Variants in PRKCA observed in about 807,000 individuals in gnomAD.
PRKCA encodes the protein protein kinase C alpha type.
PRKCA carries 27 observed loss-of-function variants against 87.0 expected under a neutral mutation model. The ratio of observed to expected loss-of-function variants is 0.31; its 90% CI spans 0.23 to 0.43. The LOEUF (loss-of-function observed/expected upper bound fraction) is 0.43. PRKCA is among the 20% of genes least tolerant of loss of function. The pLI is 1.00. For missense variants in PRKCA, 518 were observed against 852.3 expected (o/e 0.61, Z 4.88); for synonymous variants, 329 against 311.1 (o/e 1.06, Z -0.61).
Position 66,603,932 on chromosome 17 carries a change from CAT to C in PRKCA, c.289-37422_289-37421del, listed in dbSNP as rs368393161. Among the ~76,000 whole-genome samples the C allele has an allele frequency of 2.5e-3, 374 of 152,298 alleles. 1 individual carries two copies. The highest frequency in any genetic ancestry group is 8.7e-3 in the African/African-American group (360 of 41,554). The stretch of plus-strand genomic sequence containing the variant: ...TCCTCAGGGTTCATTCATGTAGTCA[CAT>C]GTGTCAGAATTTTATTCAGTTTTAA... On this transcript the variant is annotated intron_variant, in intron 3 of 16. Coordinates refer to ENST00000413366, the MANE Select transcript of PRKCA (RefSeq NM_002737.3).
At chr17:66,688,570 A>G in intron 7 of PRKCA, 134 bp downstream of exon 7, 1 of 1,170,808 alleles carries the variant, frequency 8.5e-7, no homozygotes, top group South Asian at 1.6e-5. Context: ...CAAGAGGCCG[A>G]GGCAGGTGGA....
chr17:66,394,524 C>T (rs1011435108), intron 2 of PRKCA, among the ~76,000 whole-genome samples: 1 of 152,158 alleles, frequency 6.6e-6, no homozygotes, highest in African/African-American at 2.4e-5. Flanking sequence ...GTTCTAGGTG[C>T]TGAGTATTTG....
At chr17:66,475,053 G>C (rs1181822205) in intron 2 of PRKCA, among the ~76,000 whole-genome samples, 1 of 152,050 alleles carries the variant, frequency 6.6e-6, no homozygotes. Context: ...AATCCTTCTG[G>C]CAAATATCAG....
intron 3 of PRKCA, among the ~76,000 whole-genome samples, chr17:66,575,479 C>T (rs934754207): frequency 2.0e-5 from 3 of 152,170 alleles, no homozygotes; most frequent in Non-Finnish European, 2.9e-5. Context: ...ACTCGGGAGG[C>T]TGAGGCAGGA....
In PRKCA at chr17:66,788,904, G is replaced by A. The variant is rs2228945; in HGVS notation, c.1779G>A (p.Glu593=). ...CTGAGGGGGAGAGGGACGTGAGAGA[G>A]CATGCCTTCTTCCGGAGGATCGACT... ...CGPEGERDVR[E]HAFFRRIDWE... Residue 593 remains glutamate, a synonymous_variant, in exon 16 of 17, where the codon GAG becomes GAA. Coordinates refer to ENST00000413366, the MANE Select transcript of PRKCA (RefSeq NM_002737.3). 148,925 of 1,613,842 alleles carry A rather than the reference G, an allele frequency of 0.092. 9,389 individuals carry two copies. The highest frequency in any genetic ancestry group is 0.31 in the African/African-American group (23,570 of 74,938).
At chr17:66,786,780 C>A in intron 14 of PRKCA, 87 bp from the exon 15 acceptor site, 2 of 1,039,164 alleles carry the variant, frequency 1.9e-6, no homozygotes, top group South Asian at 1.5e-5. Flanking sequence ...CTGGTCTGTT[C>A]CTTGGTGCTG....
intron 3 of PRKCA, among the ~76,000 whole-genome samples, chr17:66,620,627 T>C (rs533594170): frequency 6.6e-6 from 1 of 152,324 alleles, no homozygotes; most frequent in South Asian, 2.1e-4. Context: ...GGCCTAGCAG[T>C]GTCTGCTACT....
Position 66,358,551 on chromosome 17 carries a change from T to C in PRKCA, c.205+52424T>C, listed in dbSNP as rs192539830. On this transcript the variant is annotated intron_variant, in intron 2 of 16. Coordinates refer to ENST00000413366, the MANE Select transcript of PRKCA (RefSeq NM_002737.3). The stretch of plus-strand genomic sequence containing the variant: ...ATTCAAGCCTAAGGCTAACATGATA[T>C]TGAGAAGAAGAAACGTAACTACCTT... Among the ~76,000 whole-genome samples the C allele has an allele frequency of 6.0e-5, 9 of 150,390 alleles. No individual in the cohort carries two copies. In the East Asian group the frequency reaches 1.5e-3, roughly 26 times the overall value.
chr17:66,563,599 C>A (rs1968782352), intron 3 of PRKCA, among the ~76,000 whole-genome samples: 1 of 152,164 alleles, frequency 6.6e-6, no homozygotes, highest in South Asian at 2.1e-4. Flanking sequence ...CTTCCAAGTC[C>A]TGTGCTCTTT....
At chr17:66,783,923 C>T (rs996818870) in intron 14 of PRKCA, among the ~76,000 whole-genome samples, 4 of 152,232 alleles carry the variant, frequency 2.6e-5, no homozygotes, top group African/African-American at 9.6e-5. Flanking sequence ...CGGGGGCATG[C>T]AGCCTACACG....
At chr17:66,625,819 T>A (rs1044035883) in intron 3 of PRKCA, among the ~76,000 whole-genome samples, 3 of 152,220 alleles carry the variant, frequency 2.0e-5, no homozygotes, top group Non-Finnish European at 1.5e-5. Context: ...GGTCCCGATT[T>A]TACCACTTAA....
intron 3 of PRKCA, among the ~76,000 whole-genome samples, chr17:66,536,721 G>A (rs886577349): frequency 7.2e-5 from 11 of 152,198 alleles, no homozygotes; most frequent in African/African-American, 2.4e-4. Context: ...GAGAGCTAAC[G>A]AGACAGGCTC....
chr17:66,650,913 C>G (rs17687546), intron 5 of PRKCA, among the ~76,000 whole-genome samples: 39,827 of 152,104 alleles, frequency 0.26, 5,253 homozygotes, highest in African/African-American at 0.28. Context: ...GTGTCCTGCT[C>G]TCTTCCTGGC....
Position 66,803,904 on chromosome 17 carries a change from T to C in PRKCA, c.1886T>C (p.Phe629Ser), listed in dbSNP as rs755762168. 100 of 1,613,842 alleles carry C rather than the reference T, an allele frequency of 6.2e-5. No homozygotes were observed. Among genetic ancestry groups the C allele is most frequent in the Non-Finnish European group, 7.4e-5 (87 of 1,179,906 alleles). Reference sequence around the variant, plus strand: ...AAAGGAGCAGAGAACTTTGACAAGTTCTTCACACGAGGACAGCCCGTCTTA... The same window carrying C: ...AAAGGAGCAGAGAACTTTGACAAGTCCTTCACACGAGGACAGCCCGTCTTA... ...CGKGAENFDK[F>S]FTRGQPVLTP... Residue 629 changes from phenylalanine to serine, a missense_variant, in exon 17 of 17, where the codon TTC (phenylalanine) becomes TCC (serine). Phe to Ser is a radical substitution (Grantham distance 155, BLOSUM62 -2). This residue lies in a region of PRKCA where 159 missense variants were observed against 232.4 expected (regional missense o/e 0.68). Coordinates refer to ENST00000413366, the MANE Select transcript of PRKCA (RefSeq NM_002737.3). This position sits in a 1 kb window ranked among gnomAD's most constrained non-coding sequence, Gnocchi z 4.4.
At chr17:66,754,365 C>T (rs1033688169) in intron 13 of PRKCA, among the ~76,000 whole-genome samples, 2 of 152,024 alleles carry the variant, frequency 1.3e-5, no homozygotes, top group Non-Finnish European at 2.9e-5. Context: ...TTACACAGAG[C>T]GGGCACCATG....
chr17:66,626,845 G>A (rs1970872252), intron 3 of PRKCA, among the ~76,000 whole-genome samples: 1 of 152,158 alleles, frequency 6.6e-6, no homozygotes, highest in African/African-American at 2.4e-5. Context: ...TAAGTTTAAA[G>A]TGGCTAATAG....
At chr17:66,639,733 A>T (rs1425345959) in intron 3 of PRKCA, among the ~76,000 whole-genome samples, 4 of 151,188 alleles carry the variant, frequency 2.6e-5, no homozygotes, top group Non-Finnish European at 5.9e-5. Context: ...GCGGTGGCGC[A>T]TGCCTGTAAT....
At chr17:66,559,248 G>T (rs1004384625) in intron 3 of PRKCA, among the ~76,000 whole-genome samples, 2 of 151,858 alleles carry the variant, frequency 1.3e-5, no homozygotes, top group African/African-American at 2.4e-5. Context: ...TGAGGTGGAT[G>T]GGTCACGAGG....
chr17:66,353,328 C>G (rs2143437030), intron 2 of PRKCA, among the ~76,000 whole-genome samples: 1 of 152,174 alleles, frequency 6.6e-6, no homozygotes, highest in African/African-American at 2.4e-5. Context: ...GGGCTGTGTG[C>G]CGAATTTTAT....
Sources: allele counts gnomAD v4.1 joint callset (sites outside exome capture counted in the v4.1 genomes callset), GRCh38; gene constraint gnomAD v4.1.1; regional missense constraint gnomAD v4.1.1; non-coding constraint Gnocchi (gnomAD v3.1); transcripts MANE v1.5; gene names NCBI Gene and HGNC (gene_info 2026-07-23, HGNC 2026-07-21).